Variants in TAF1 observed in about 807,000 individuals in gnomAD.
TAF1 encodes the protein transcription initiation factor TFIID subunit 1.
In TAF1, 2 loss-of-function variants were observed where a neutral mutation model predicts 138.5. The observed-to-expected ratio is 0.01, with a 90% confidence interval of 0.01 to 0.05. The LOEUF (loss-of-function observed/expected upper bound fraction) is 0.05. Ranked by LOEUF, TAF1 falls within the 10% of genes least tolerant of loss-of-function variation. The pLI is 1.00. For missense variants in TAF1, 709 were observed against 1,478.0 expected, an observed-to-expected ratio of 0.48 and a Z score of 8.53; for synonymous variants, 437 against 503.2, an observed-to-expected ratio of 0.87 and a Z score of 1.76.
At chrX:71,397,796 T>G (rs1337101138) in intron 23 of TAF1, among the ~76,000 whole-genome samples, 2 of 110,935 alleles carry the variant, frequency 1.8e-5, no homozygotes, top group Non-Finnish European at 3.8e-5. Flanking sequence ...TTCACCACTT[T>G]CGAGTGTGAT....
Position 71,388,306 on chromosome X carries a change from A to G in TAF1, c.2497A>G (p.Lys833Glu). 8.3e-7 allele frequency: 1 copy of G among 1,211,977 alleles called. No individual in the cohort carries two copies. The highest frequency in any genetic ancestry group is 1.1e-6 in the Non-Finnish European group (1 of 895,588). ...PRRIRMEDIKKAFPSHSESSI... is the reference protein window; with the variant it reads ...PRRIRMEDIKEAFPSHSESSI... Reference sequence around the variant, plus strand: ...GAGGATACGAATGGAAGATATAAAAAAAGCCTTTCCTTCCCATTCAGAAAG... The same window carrying G: ...GAGGATACGAATGGAAGATATAAAAGAAGCCTTTCCTTCCCATTCAGAAAG... The change falls in exon 16 of 38, where the codon AAA (lysine) becomes GAA (glutamate). Residue 833 changes from lysine (K) to glutamate (E), a missense_variant. Coordinates refer to ENST00000423759, the MANE Select transcript of TAF1 (RefSeq NM_004606.5).
chrX:71,454,681 C>G (rs2148815760), intron 33 of TAF1, 60 bp from the exon 34 acceptor site: 1 of 1,035,247 alleles, frequency 9.7e-7, no homozygotes, highest in African/African-American at 1.9e-5. Flanking sequence ...CTTTTGTTTA[C>G]TTTTGTATCC....
intron 13 of TAF1, among the ~76,000 whole-genome samples, chrX:71,508,370 G>A (rs1413484756): frequency 1.8e-5 from 2 of 108,698 alleles, no homozygotes; most frequent in African/African-American, 3.3e-5. Context: ...TGGGAGGATC[G>A]CTTGAGCCAA....
chrX:71,450,622 C>T (rs1476357664), intron 32 of TAF1, among the ~76,000 whole-genome samples: 1 of 112,150 alleles, frequency 8.9e-6, no homozygotes, highest in East Asian at 2.8e-4. Flanking sequence ...CAGCCACTTC[C>T]TTCTTTGTGC....
At chrX:71,484,565 C>T (rs2039138408) in intron 13 of TAF1, among the ~76,000 whole-genome samples, 1 of 111,396 alleles carries the variant, frequency 9.0e-6, no homozygotes, top group African/African-American at 3.3e-5. Context: ...CTCCTGACCT[C>T]AGGTGATCCG....
chrX:71,523,847 A>G (rs1343686020), intron 13 of TAF1, among the ~76,000 whole-genome samples: 1 of 111,295 alleles, frequency 9.0e-6, no homozygotes, highest in Non-Finnish European at 1.9e-5. Context: ...TTCAACATTT[A>G]CTATTAACAT....
rs187828793 is a variant in TAF1, at chrX:71,513,765, G to T, written c.1367-14777G>T. Among the ~76,000 whole-genome samples the T allele has an allele frequency of 3.6e-4, 40 of 111,526 alleles. 1 individual carries two copies. The highest frequency in any genetic ancestry group is 7.2e-4 in the Non-Finnish European group (38 of 53,082). On this transcript the variant is annotated intron_variant and NMD_transcript_variant, in intron 13 of 14. Coordinates refer to the TAF1 transcript ENST00000373775. ...GCCAGGTGAGGTGGTGCATGCCTGT[G>T]AGAGGTGAAGCCAGCTGGACTTCCT...
chrX:71,397,797 C>G (rs1367678391), intron 23 of TAF1, among the ~76,000 whole-genome samples: 1 of 110,796 alleles, frequency 9.0e-6, no homozygotes, highest in Non-Finnish European at 1.9e-5. Flanking sequence ...TCACCACTTT[C>G]GAGTGTGATA....
Position 71,384,084 on chromosome X carries a change from C to T in TAF1, c.2070C>T (p.Pro690=). The change falls in exon 13 of 38, where the codon CCC becomes CCT. Residue 690 remains proline, a synonymous_variant. Coordinates refer to ENST00000423759, the MANE Select transcript of TAF1 (RefSeq NM_004606.5). ...ILAEYSEENG[P]LMMQVGMATK... ...CAGAATATAGTGAGGAAAATGGACC[C>T]TTAATGATGCAGGTTGGCATGGCAA... is the stretch of plus-strand genomic sequence containing the variant. 4 of 1,211,409 alleles carry T rather than the reference C, an allele frequency of 3.3e-6. No individual in the cohort carries two copies. Among genetic ancestry groups the T allele is most frequent in the Non-Finnish European group, 4.5e-6 (4 of 895,500 alleles).
At chrX:71,375,075 C>CAAA (rs377394790) in intron 3 of TAF1, 92 bp from the exon 4 acceptor site, 73 of 915,877 alleles carry the variant, frequency 8.0e-5, no homozygotes, top group African/African-American at 2.2e-4. Context: ...GACTCTGTCT[C>CAAA]AAAAAAAAAA....
At chrX:71,460,328 G>A (rs1007862467) in intron 36 of TAF1, among the ~76,000 whole-genome samples, 1 of 112,558 alleles carries the variant, frequency 8.9e-6, no homozygotes, top group Admixed American at 9.4e-5. Context: ...TCCTGTTTGG[G>A]GATATTTTGT....
chrX:71,387,625 C>G (rs781203209), intron 15 of TAF1, among the ~76,000 whole-genome samples, 164 bp downstream of exon 15: 1 of 111,473 alleles, frequency 9.0e-6, no homozygotes, highest in Non-Finnish European at 1.9e-5. Context: ...ATGGTGAAAC[C>G]CTGTCTCTAC....
chrX:71,445,938 CA>C (rs2037674544), intron 32 of TAF1, among the ~76,000 whole-genome samples: 1 of 104,674 alleles, frequency 9.6e-6, no homozygotes, highest in East Asian at 2.9e-4. Context: ...TTTTGGAGAC[CA>C]AGTCTGTGTC....
intron 13 of TAF1, among the ~76,000 whole-genome samples, chrX:71,475,454 G>A (rs1357962478): frequency 4.6e-5 from 5 of 108,808 alleles, no homozygotes; most frequent in Non-Finnish European, 9.5e-5. Context: ...GCATGGTGGC[G>A]GGAGCCTGTA....
At chrX:71,493,747 C>T (rs2039342024) in intron 13 of TAF1, among the ~76,000 whole-genome samples, 1 of 111,692 alleles carries the variant, frequency 9.0e-6, no homozygotes, top group Non-Finnish European at 1.9e-5. Context: ...CTTTAGGAGG[C>T]AGAGGTGGGA....
chrX:71,450,823 T>A (rs188527615), intron 32 of TAF1, among the ~76,000 whole-genome samples: 2 of 112,179 alleles, frequency 1.8e-5, no homozygotes, highest in Admixed American at 1.9e-4. Flanking sequence ...AAAAGAACAT[T>A]TTAAGTATTT....
chrX:71,518,520 G>C (rs2039863033), intron 13 of TAF1, among the ~76,000 whole-genome samples: 1 of 110,472 alleles, frequency 9.1e-6, no homozygotes, highest in African/African-American at 3.3e-5. Context: ...CAATGGAATT[G>C]GGATAATTCT....
Position 71,368,112 on chromosome X carries a change from A to T in TAF1, c.294A>T (p.Glu98Asp), listed in dbSNP as rs1346660316. ...VDYSDINEVA[E>D]DESRRYQQTM... Reference sequence around the variant, plus strand: ...ATTCAGACATCAATGAGGTGGCAGAAGATGAAAGCCGAAGATACCAGCAGA... The same window carrying T: ...ATTCAGACATCAATGAGGTGGCAGATGATGAAAGCCGAAGATACCAGCAGA... Residue 98 changes from glutamate (E) to aspartate (D), a missense_variant, in exon 3 of 38, where the codon GAA becomes GAT. Physicochemically the swap from Glu to Asp is conservative, Grantham distance 45. Transcript: ENST00000423759. 3 of 1,212,283 alleles carry T rather than the reference A, an allele frequency of 2.5e-6. No individual in the cohort carries two copies. Among genetic ancestry groups the T allele is most frequent in the Middle Eastern group, 2.3e-4 (1 of 4,356 alleles).
chrX:71,379,387 T>C (rs2033715296), intron 8 of TAF1, among the ~76,000 whole-genome samples: 1 of 108,866 alleles, frequency 9.2e-6, no homozygotes, highest in African/African-American at 3.4e-5. Flanking sequence ...AGTGCTGGGA[T>C]TACAGGTGTG....
Sources: allele counts gnomAD v4.1 joint callset (sites outside exome capture counted in the v4.1 genomes callset), GRCh38; gene constraint gnomAD v4.1.1; transcripts MANE v1.5; gene names NCBI Gene and HGNC (gene_info 2026-07-23, HGNC 2026-07-21).